The following FAM13B variants were observed in gnomAD, a reference collection of about 807,000 sequenced individuals.
The protein encoded by FAM13B is protein FAM13B.
Under a neutral mutation model 117.3 loss-of-function variants are expected in FAM13B, and 60 were observed. The ratio of observed to expected loss-of-function variants is 0.51; its 90% CI spans 0.42 to 0.63. The LOEUF is 0.63. Ranked by LOEUF, FAM13B falls within the 30% of genes least tolerant of loss-of-function variation. The pLI is 0.00. For missense variants in FAM13B, 972 were observed against 1,091.9 expected (o/e 0.89, Z 1.55); for synonymous variants, 332 against 356.1 (o/e 0.93, Z 0.76).
upstream of FAM13B, among the ~76,000 whole-genome samples, chr5:138,034,995 C>CTTTTTTTTTTTT (rs557807234): frequency 0.03 from 1,047 of 34,372 alleles, 365 homozygotes; most frequent in East Asian, 0.15. Flanking sequence ...ATTCCCTTGC[C>CTTTTTTTTTTTT]TTTTTTTTTT....
chr5:137,970,742 C>G (rs1199801924), intron 10 of FAM13B, among the ~76,000 whole-genome samples: 1 of 151,998 alleles, frequency 6.6e-6, no homozygotes, highest in African/African-American at 2.4e-5. Context: ...CACACACAGG[C>G]TCAAAATAAA....
intron 10 of FAM13B, among the ~76,000 whole-genome samples, chr5:137,969,439 C>T (rs6882675): frequency 0.31 from 47,637 of 151,996 alleles, 7,637 homozygotes; most frequent in South Asian, 0.37. Flanking sequence ...GAAAGGACAT[C>T]CACACCAAAA....
chr5:137,980,918 T>G (rs1437816614), intron 10 of FAM13B, among the ~76,000 whole-genome samples: 1 of 151,740 alleles, frequency 6.6e-6, no homozygotes, highest in African/African-American at 2.4e-5. Context: ...ATAAAGTTTT[T>G]TTTTTTTCTT....
At chr5:137,964,213 G>T (rs10479167) in intron 10 of FAM13B, among the ~76,000 whole-genome samples, 149,180 of 152,154 alleles carry the variant, frequency 0.98, 73,202 homozygotes, top group Middle Eastern at 1. Flanking sequence ...GTGGTGCCAG[G>T]ACACCTGGCT....
At chr5:137,975,968 G>GCTCAA (rs1387229599) in intron 10 of FAM13B, among the ~76,000 whole-genome samples, 1 of 104,010 alleles carries the variant, frequency 9.6e-6, no homozygotes, top group Non-Finnish European at 1.9e-5. Flanking sequence ...CAACCAGACT[G>GCTCAA]CTCAACTCTT....
intron 17 of FAM13B, among the ~76,000 whole-genome samples, chr5:137,952,252 G>A (rs1263104036): frequency 6.6e-6 from 1 of 152,044 alleles, no homozygotes; most frequent in Non-Finnish European, 1.5e-5. Context: ...AGTCTTAGAT[G>A]AAAATACCTA....
intron 20 of FAM13B, 71 bp from the exon 21 acceptor site, chr5:137,943,287 TTA>T: frequency 8.4e-7 from 1 of 1,191,218 alleles, no homozygotes; most frequent in South Asian, 1.4e-5. Context: ...CTTCCCTTCA[TTA>T]TGTTACGAAT....
intron 4 of FAM13B, among the ~76,000 whole-genome samples, chr5:138,012,441 T>C (rs1010950802): frequency 4.6e-5 from 7 of 152,172 alleles, no homozygotes; most frequent in Non-Finnish European, 8.8e-5. Flanking sequence ...AAGGTAACAG[T>C]GTGATTTTCT....
chr5:137,952,749 A>C (rs1765401839), intron 16 of FAM13B, 40 bp from the exon 17 acceptor site: 1 of 1,178,954 alleles, frequency 8.5e-7, no homozygotes, highest in Admixed American at 2.0e-5. Flanking sequence ...ACTTGTGATA[A>C]GCAATAGTTA....
At chr5:137,947,353 T>G (rs1448123788) in intron 18 of FAM13B, among the ~76,000 whole-genome samples, 1 of 152,234 alleles carries the variant, frequency 6.6e-6, no homozygotes, top group African/African-American at 2.4e-5. Flanking sequence ...TCAAATACTG[T>G]GATTTCAACC....
At chr5:138,007,231 A>G in intron 6 of FAM13B, 84 bp from the exon 7 acceptor site, 2 of 1,028,150 alleles carry the variant, frequency 1.9e-6, no homozygotes, top group South Asian at 4.1e-5. Context: ...GAAAATTTTA[A>G]ACACAAACAA....
chr5:137,946,244 CT>C lies in FAM13B; in HGVS notation c.2227del (p.Ser743ValfsTer7), dbSNP rs1421775532. 1 of 1,589,726 alleles carries C rather than the reference CT, an allele frequency of 6.3e-7. No homozygotes were observed. The highest frequency in any genetic ancestry group is 2.2e-5 in the East Asian group (1 of 44,558). ...SLQKSLLYYESQHGRPVTKEE... is the reference protein window; with the variant it reads ...SLQKSLLYYEXQHGRPVTKEE... Reference sequence around the variant, plus strand: ...AGATATTACCGGCCTTCCATGTTGACTTTCATAGTAAAGAAGACTTTTCTGA... The same window carrying C: ...AGATATTACCGGCCTTCCATGTTGACTTCATAGTAAAGAAGACTTTTCTGA... On this transcript the variant is annotated frameshift_variant, in exon 19 of 24. Coordinates refer to ENST00000689681, the MANE Select transcript of FAM13B (RefSeq NM_001385994.1). LOFTEE classifies it high-confidence loss of function.
At chr5:137,963,599 C>A (rs1768786983) in intron 10 of FAM13B, among the ~76,000 whole-genome samples, 1 of 152,108 alleles carries the variant, frequency 6.6e-6, no homozygotes. Context: ...ACCACTGATA[C>A]AGAAATCAGA....
intron 13 of FAM13B, 111 bp downstream of exon 13, chr5:137,959,505 G>T: frequency 9.0e-7 from 1 of 1,108,414 alleles, no homozygotes; most frequent in East Asian, 2.5e-5. Context: ...GAGAACAGAA[G>T]ATCAAGATGA....
intron 10 of FAM13B, among the ~76,000 whole-genome samples, chr5:137,963,565 G>A (rs539224314): frequency 6.6e-6 from 1 of 152,226 alleles, no homozygotes; most frequent in Non-Finnish European, 1.5e-5. Flanking sequence ...GTATGAATGA[G>A]TCCCTGAGAC....
intron 7 of FAM13B, among the ~76,000 whole-genome samples, chr5:138,005,463 A>AT (rs35581730): frequency 5.4e-4 from 80 of 149,150 alleles, no homozygotes; most frequent in Admixed American, 3.9e-3. Flanking sequence ...CAACAAAGGT[A>AT]TTTTTTTTTT....
At chr5:138,029,091 C>A (rs781374614) in intron 1 of FAM13B, among the ~76,000 whole-genome samples, 3 of 152,188 alleles carry the variant, frequency 2.0e-5, no homozygotes, top group Non-Finnish European at 2.9e-5. Context: ...AACCCCAATA[C>A]TGAAACTGAT....
chr5:137,943,374 A>G (rs1762422746), intron 20 of FAM13B, among the ~76,000 whole-genome samples, 158 bp from the exon 21 acceptor site: 2 of 152,206 alleles, frequency 1.3e-5, no homozygotes, highest in Non-Finnish European at 2.9e-5. Flanking sequence ...ATTTTTGCTT[A>G]TATTTTTATT....
At chr5:138,036,592 A>G, upstream of FAM13B, 1 of 456,726 alleles carries the variant, frequency 2.2e-6, no homozygotes, top group Non-Finnish European at 4.4e-6. Flanking sequence ...ACAGCTCACC[A>G]GCAACAGTCT....
Sources: allele counts gnomAD v4.1 joint callset (sites outside exome capture counted in the v4.1 genomes callset), GRCh38; gene constraint gnomAD v4.1.1; transcripts MANE v1.5; gene names NCBI Gene and HGNC (gene_info 2026-07-23, HGNC 2026-07-21).